The following HECA variants were observed in gnomAD, a reference collection of about 807,000 sequenced individuals.
HECA encodes headcase protein homolog.
HECA carries 13 observed loss-of-function variants against 37.6 expected under a neutral mutation model. The observed-to-expected ratio is 0.35, with a 90% confidence interval of 0.23 to 0.55. The LOEUF (loss-of-function observed/expected upper bound fraction) is 0.55. Among genes scored for constraint, HECA ranks in the 20% least tolerant of loss-of-function variants. The pLI is 0.90. For missense variants in HECA, 527 were observed against 701.9 expected (o/e 0.75, Z 2.82); for synonymous variants, 307 against 291.5 (o/e 1.05, Z -0.54).
At chr6:139,163,633 C>T (rs920931934) in intron 1 of HECA, among the ~76,000 whole-genome samples, 6 of 152,284 alleles carry the variant, frequency 3.9e-5, no homozygotes, top group East Asian at 1.9e-4. Context: ...GGATTACAGG[C>T]GTGAGCCACT....
At chr6:139,139,081 C>T (rs1582933402) in intron 1 of HECA, among the ~76,000 whole-genome samples, 1 of 152,248 alleles carries the variant, frequency 6.6e-6, no homozygotes, top group East Asian at 1.9e-4. Flanking sequence ...TTTATAAATT[C>T]CTGTTATTGG....
In HECA at chr6:139,135,231, A is replaced by C; in HGVS notation, c.-166A>C. The stretch of plus-strand genomic sequence containing the variant: ...GGAAGCCGGAGAGGGCGCGGCGGCC[A>C]GGATGGCGCGGCACGGGCCGTGCGG... On this transcript the variant is annotated 5_prime_UTR_variant, in exon 1 of 4. Coordinates refer to ENST00000367658, the MANE Select transcript of HECA (RefSeq NM_016217.3). 1.2e-5 allele frequency: 5 copies of C among 423,730 alleles called. No individual in the cohort carries two copies. The highest frequency in any genetic ancestry group is 4.3e-5 in the African/African-American group (2 of 46,018). The allele number at this position is 423,730 out of a possible 1,614,324, so 26.2% of individuals were successfully genotyped here. A position where few individuals can be genotyped will look rare whatever the true frequency, so the allele number is the denominator to read the frequency against.
intron 1 of HECA, among the ~76,000 whole-genome samples, chr6:139,150,488 GAAAT>G (rs967766892): frequency 6.8e-5 from 10 of 146,140 alleles, no homozygotes; most frequent in Non-Finnish European, 1.2e-4. Flanking sequence ...AAAAAAAAAA[GAAAT>G]AGATGATAAA....
Position 139,166,721 on chromosome 6 carries a change from C to CACGA in HECA, c.710_713dup (p.Asp238GlufsTer87). The CACGA allele has an allele frequency of 6.2e-7, 1 of 1,611,488 alleles. No homozygotes were observed. On this transcript the variant is annotated frameshift_variant, in exon 2 of 4. Coordinates refer to ENST00000367658, the MANE Select transcript of HECA (RefSeq NM_016217.3). LOFTEE classifies it high-confidence loss of function. Reference sequence around the variant, plus strand: ...AAATAAGCCCCAGAAAGGCCCAAGCCACGACCTCCCCCGCCGGCATTCCAT... The same window carrying CACGA: ...AAATAAGCCCCAGAAAGGCCCAAGCCACGAACGACCTCCCCCGCCGGCATTCCAT...
intron 1 of HECA, among the ~76,000 whole-genome samples, chr6:139,152,752 G>GA (rs1259451272): frequency 6.6e-6 from 1 of 151,932 alleles, no homozygotes; most frequent in Non-Finnish European, 1.5e-5. Flanking sequence ...ATTTTTAGTA[G>GA]AAAAAAGGTC....
chr6:139,161,487 G>A (rs900782552), intron 1 of HECA, among the ~76,000 whole-genome samples: 8 of 152,102 alleles, frequency 5.3e-5, no homozygotes, highest in African/African-American at 1.9e-4. Flanking sequence ...CACAGCTGTG[G>A]TACCTTGTCT....
chr6:139,156,950 A>G (rs906364609), intron 1 of HECA, among the ~76,000 whole-genome samples: 1 of 152,256 alleles, frequency 6.6e-6, no homozygotes, highest in African/African-American at 2.4e-5. Context: ...GATCTCGCAC[A>G]AGAAAGAATT....
chr6:139,155,374 A>T (rs957064149), intron 1 of HECA, among the ~76,000 whole-genome samples: 5 of 152,206 alleles, frequency 3.3e-5, no homozygotes, highest in Admixed American at 2.0e-4. Context: ...GGCCTAGGAC[A>T]TTACATTACT....
chr6:139,171,986 C>T (rs1439382247), intron 2 of HECA, among the ~76,000 whole-genome samples: 1 of 152,028 alleles, frequency 6.6e-6, no homozygotes, highest in African/African-American at 2.4e-5. Flanking sequence ...GCCGCCACCA[C>T]GCCTAGCTAA....
chr6:139,150,337 A>C (rs948725765), intron 1 of HECA, among the ~76,000 whole-genome samples: 6 of 152,282 alleles, frequency 3.9e-5, no homozygotes, highest in African/African-American at 1.2e-4. Context: ...GACAAAAAAC[A>C]ATCTGTTAGC....
At chr6:139,149,029 A>T (rs1168312932) in intron 1 of HECA, among the ~76,000 whole-genome samples, 4 of 152,188 alleles carry the variant, frequency 2.6e-5, no homozygotes, top group African/African-American at 9.7e-5. Context: ...AATTGCCCAT[A>T]AGTTGCTTAT....
intron 1 of HECA, among the ~76,000 whole-genome samples, chr6:139,154,742 A>C (rs762341859): frequency 6.6e-6 from 1 of 152,264 alleles, no homozygotes; most frequent in Non-Finnish European, 1.5e-5. Flanking sequence ...AAGAGAGAAG[A>C]AGCAGGTCCA....
Position 139,135,636 on chromosome 6 carries a change from G to T in HECA, c.240G>T (p.Ala80=). 1 of 972,944 alleles carries T rather than the reference G, an allele frequency of 1.0e-6. No homozygotes were observed. The highest frequency in any genetic ancestry group is 1.2e-6 in the Non-Finnish European group (1 of 820,054). 60.3% of individuals were successfully genotyped at this position (972,944 alleles called of 1,614,324 possible). ...GTGAANAAAA[A]GAAAAGDAKN... is the part of the protein sequence containing the mutation. ...GCGCCGCGAACGCTGCGGCCGCCGC[G>T]GGGGCTGCGGCCGCGGGCGATGCCA... Residue 80 remains alanine (A), a synonymous_variant, in exon 1 of 4, where the codon GCG becomes GCT. Coordinates refer to ENST00000367658, the MANE Select transcript of HECA (RefSeq NM_016217.3).
At chr6:139,160,404 T>A (rs1774782657) in intron 1 of HECA, among the ~76,000 whole-genome samples, 1 of 152,194 alleles carries the variant, frequency 6.6e-6, no homozygotes, top group East Asian at 1.9e-4. Context: ...TTGTGTCAGA[T>A]CAATCTATAT....
chr6:139,172,951 G>A (rs965419774), intron 2 of HECA, among the ~76,000 whole-genome samples: 6 of 152,280 alleles, frequency 3.9e-5, no homozygotes, highest in Admixed American at 2.0e-4. Context: ...TATGGTCATC[G>A]TTAGCAACAC....
In HECA at chr6:139,174,365, CT is replaced by C; in HGVS notation, c.1313-18del. The C allele has an allele frequency of 6.2e-7, 1 of 1,606,150 alleles. No individual in the cohort carries two copies. Among genetic ancestry groups the C allele is most frequent in the Admixed American group, 1.7e-5 (1 of 59,354 alleles). On this transcript the variant is annotated intron_variant, in intron 2 of 3. Coordinates refer to ENST00000367658, the MANE Select transcript of HECA (RefSeq NM_016217.3). ...GATTTCCATGATGGCCACTCAGAGC[CT>C]TGTGTCTTCTGTGCACAGGGAGACT... is the stretch of plus-strand genomic sequence containing the variant.
At chr6:139,143,875 A>G (rs575950717) in intron 1 of HECA, among the ~76,000 whole-genome samples, 45 of 150,076 alleles carry the variant, frequency 3.0e-4, no homozygotes, top group South Asian at 2.8e-3. Flanking sequence ...AAAAAAAAAA[A>G]AAAGAAAGAA....
chr6:139,148,595 G>T (rs989937956), intron 1 of HECA, among the ~76,000 whole-genome samples: 10 of 152,128 alleles, frequency 6.6e-5, no homozygotes, highest in African/African-American at 2.4e-4. Flanking sequence ...GAAACCCCAT[G>T]TCACTACTAA....
chr6:139,146,128 T>A (rs900120512), intron 1 of HECA, among the ~76,000 whole-genome samples: 2 of 152,228 alleles, frequency 1.3e-5, no homozygotes, highest in African/African-American at 4.8e-5. Flanking sequence ...ACAATTCACA[T>A]TTCTTTTTAT....
Sources: gnomAD v4.1 joint callset for allele counts (sites outside exome capture counted in the v4.1 genomes callset) on GRCh38, gnomAD v4.1.1 for gene constraint, MANE v1.5 for transcripts, NCBI Gene and HGNC (gene_info 2026-07-23, HGNC 2026-07-21) for gene names.